Variants in NEK1 observed in about 807,000 individuals in gnomAD.
The protein encoded by NEK1 is NIMA related kinase 1.
Under a neutral mutation model 182.1 loss-of-function variants are expected in NEK1, and 137 were observed. The observed-to-expected ratio is 0.75, with a 90% CI of 0.65 to 0.87. The LOEUF is 0.87. Among genes scored for constraint, NEK1 ranks in the 40% least tolerant of loss-of-function variants. The pLI is 0.00. For missense variants in NEK1, 1,391 were observed against 1,494.4 expected (o/e 0.93, Z 1.14); for synonymous variants, 513 against 492.2 (o/e 1.04, Z -0.56).
intron 32 of NEK1, among the ~76,000 whole-genome samples, chr4:169,402,085 T>C (rs2111035722): frequency 6.6e-6 from 1 of 152,322 alleles, no homozygotes; most frequent in Non-Finnish European, 1.5e-5. Flanking sequence ...ACACATATTC[T>C]GGAATATATA....
intron 27 of NEK1, among the ~76,000 whole-genome samples, chr4:169,446,072 T>C (rs1036607357): frequency 4.6e-5 from 7 of 151,778 alleles, no homozygotes; most frequent in African/African-American, 1.7e-4. Flanking sequence ...TATCAGAAGC[T>C]GGAAAGTGTG....
At chr4:169,427,833 T>A (rs72691053) in intron 29 of NEK1, among the ~76,000 whole-genome samples, 7,664 of 151,978 alleles carry the variant, frequency 0.05, 252 homozygotes, top group Non-Finnish European at 0.08. Flanking sequence ...ATATATTTAT[T>A]TTAAGAGACA....
intron 18 of NEK1, among the ~76,000 whole-genome samples, chr4:169,553,622 C>T (rs1436898227): frequency 3.9e-5 from 6 of 152,088 alleles, no homozygotes; most frequent in Admixed American, 1.3e-4. Context: ...TGATAAAGGA[C>T]TGTTAAATAA....
chr4:169,438,119 G>A lies in NEK1; in HGVS notation c.2728C>T (p.Pro910Ser). 6.2e-7 allele frequency: 1 copy of A among 1,612,408 alleles called. No individual in the cohort carries two copies. Among genetic ancestry groups the A allele is most frequent in the East Asian group, 2.2e-5 (1 of 44,834 alleles). ...CCTTCCAGTTTCAATGACATCTGTGGAGATGCCTCACTGAACTCGGGACTT... is the reference window on the plus strand; with the variant it reads ...CCTTCCAGTTTCAATGACATCTGTGAAGATGCCTCACTGAACTCGGGACTT... ...TKSPEFSEAS[P>S]QMSLKLEGNL... The change falls in exon 28 of 36, where the codon CCA becomes TCA. Residue 910 changes from proline (P) to serine (S), a missense_variant. This residue lies in a region of NEK1 where 1,216 missense variants were observed against 1,277.6 expected (regional missense o/e 0.95). Transcript: ENST00000507142.
chr4:169,453,205 A>G (rs1034627390), intron 27 of NEK1, among the ~76,000 whole-genome samples: 7 of 152,244 alleles, frequency 4.6e-5, no homozygotes, highest in African/African-American at 1.7e-4. Context: ...CATGGATAGG[A>G]AGAATCAATA....
intron 19 of NEK1, among the ~76,000 whole-genome samples, chr4:169,532,949 G>A (rs1257689227): frequency 5.9e-5 from 9 of 151,688 alleles, no homozygotes; most frequent in Admixed American, 5.9e-4. Context: ...AAAAGGAAAG[G>A]AGAAAGGGAA....
chr4:169,595,754 T>A (rs939047882), intron 5 of NEK1, among the ~76,000 whole-genome samples: 1 of 151,586 alleles, frequency 6.6e-6, no homozygotes, highest in Non-Finnish European at 1.5e-5. Flanking sequence ...AAACCCCATC[T>A]CTACTAAAAA....
chr4:169,428,907 A>G (rs1579534028), intron 29 of NEK1, among the ~76,000 whole-genome samples: 1 of 152,166 alleles, frequency 6.6e-6, no homozygotes, highest in African/African-American at 2.4e-5. Flanking sequence ...TCAATGTTTT[A>G]GACATCTTTC....
chr4:169,560,826 G>T (rs911931316), intron 16 of NEK1, among the ~76,000 whole-genome samples: 2 of 150,996 alleles, frequency 1.3e-5, no homozygotes, highest in Non-Finnish European at 2.9e-5. Context: ...GCTCAGAAAA[G>T]TTCAGTAATG....
In NEK1 at chr4:169,507,772, T is replaced by A. The variant is rs757032851; in HGVS notation, c.1854A>T (p.Glu618Asp). The change falls in exon 22 of 36, where the codon GAA (glutamate) becomes GAT (aspartate). Residue 618 changes from glutamate (E) to aspartate (D), a missense_variant. Coordinates refer to ENST00000507142, the MANE Select transcript of NEK1 (RefSeq NM_001199397.3). Reference sequence around the variant, plus strand: ...CAGCCTCTTCACTTCCTTCTTGTCCTTCAGAATGATTAGCTTCTTTCTACA... The same window carrying A: ...CAGCCTCTTCACTTCCTTCTTGTCCATCAGAATGATTAGCTTCTTTCTACA... ...RGEKKEANHS[E>D]GQEGSEEADM... 3 of 1,612,952 alleles carry A rather than the reference T, an allele frequency of 1.9e-6. No homozygotes were observed. Among genetic ancestry groups the A allele is most frequent in the Non-Finnish European group, 2.5e-6 (3 of 1,179,358 alleles).
chr4:169,599,508 T>C (rs1165374235), intron 4 of NEK1, among the ~76,000 whole-genome samples: 2 of 152,222 alleles, frequency 1.3e-5, no homozygotes, highest in African/African-American at 4.8e-5. Context: ...ATTCAATAAA[T>C]ACAATTCCTT....
intron 30 of NEK1, among the ~76,000 whole-genome samples, chr4:169,425,235 T>C (rs991143811): frequency 9.2e-5 from 14 of 152,054 alleles, no homozygotes; most frequent in Admixed American, 2.0e-4. Context: ...GAAACCAGCC[T>C]GAGCAACTAA....
Position 169,424,644 on chromosome 4 carries a change from C to T in NEK1, c.3131G>A (p.Arg1044Gln), listed in dbSNP as rs764463497. Residue 1044 changes from arginine to glutamine, a missense_variant, in exon 31 of 36, where the codon CGA becomes CAA. By Grantham distance (43) the Arg-to-Gln change is conservative. Around this residue, in one of 5 missense-constraint regions of NEK1, gnomAD observed 1,216 missense variants for 1,277.6 expected, o/e 0.95. Transcript: ENST00000507142. Reference protein sequence around the residue: ...QCSPEESFAFRSHSHLPPKNK... With the variant: ...QCSPEESFAFQSHSHLPPKNK... ...TTTTGGTGGTAAATGCGAGTGAGAT[C>T]GAAATGCAAAGGATTCTTCTGGTGA... The T allele has an allele frequency of 9.3e-6, 15 of 1,613,566 alleles. No individual in the cohort carries two copies. The highest frequency in any genetic ancestry group is 1.3e-5 in the Non-Finnish European group (15 of 1,179,664).
intron 26 of NEK1, among the ~76,000 whole-genome samples, chr4:169,470,515 G>C (rs551482884): frequency 2.0e-4 from 31 of 152,226 alleles, no homozygotes; most frequent in Non-Finnish European, 4.1e-4. Context: ...CGTCCCTTTG[G>C]GGGTAATCCA....
intron 27 of NEK1, among the ~76,000 whole-genome samples, chr4:169,440,859 G>A (rs1739316384): frequency 6.6e-6 from 1 of 152,162 alleles, no homozygotes; most frequent in South Asian, 2.1e-4. Context: ...GAGGAAGTTT[G>A]TGCTGGATCT....
At chr4:169,410,250 T>C (rs1733434677) in intron 31 of NEK1, among the ~76,000 whole-genome samples, 1 of 152,152 alleles carries the variant, frequency 6.6e-6, no homozygotes, top group Non-Finnish European at 1.5e-5. Flanking sequence ...TTTGGTACCA[T>C]TATAAGTTCA....
At chr4:169,496,556 T>C (rs1751329357) in intron 23 of NEK1, among the ~76,000 whole-genome samples, 1 of 151,294 alleles carries the variant, frequency 6.6e-6, no homozygotes, top group South Asian at 2.1e-4. Context: ...TAGATAGCTC[T>C]TATTATTTTG....
At chr4:169,592,865 T>C (rs1768775283) in intron 5 of NEK1, among the ~76,000 whole-genome samples, 1 of 152,142 alleles carries the variant, frequency 6.6e-6, no homozygotes, top group Admixed American at 6.5e-5. Context: ...CACAAATACC[T>C]ATAATAATTG....
intron 24 of NEK1, 90 bp downstream of exon 24, chr4:169,479,313 G>A (rs1747548277): frequency 7.6e-7 from 1 of 1,312,900 alleles, no homozygotes; most frequent in Non-Finnish European, 1.1e-6. Context: ...ACCTGAAAGG[G>A]ACATTAGGGA....
Sources: allele counts gnomAD v4.1 joint callset (sites outside exome capture counted in the v4.1 genomes callset), GRCh38; gene constraint gnomAD v4.1.1; regional missense constraint gnomAD v4.1.1; transcripts MANE v1.5; gene names NCBI Gene and HGNC (gene_info 2026-07-23, HGNC 2026-07-21).